The following AVL9 variants were observed in gnomAD, a reference collection of about 807,000 sequenced individuals.
AVL9 encodes the protein late secretory pathway protein AVL9 homolog.
A neutral mutation model predicts 79.2 loss-of-function variants in AVL9; 49 were observed. The observed-to-expected ratio is 0.62, with a 90% confidence interval of 0.49 to 0.79. The LOEUF (loss-of-function observed/expected upper bound fraction) is 0.79. Among genes scored for constraint, AVL9 ranks in the 30% least tolerant of loss-of-function variants. The pLI, the probability that AVL9 is intolerant of heterozygous loss-of-function variation, is 0.00. For synonymous variants in AVL9, 299 were observed against 280.6 expected (o/e 1.07, Z -0.65); for missense variants, 682 against 776.8 (o/e 0.88, Z 1.45).
chr7:32,559,521 G>GT, intron 10 of AVL9, 57 bp downstream of exon 10: 1 of 1,494,766 alleles, frequency 6.7e-7, no homozygotes, highest in South Asian at 1.4e-5. Context: ...TCCTTTCGGA[G>GT]TTTAACTTTT....
rs371389186 is a variant in AVL9, at chr7:32,579,402, A to G, written c.1689-817A>G. Among the ~76,000 whole-genome samples, 49 of 14,904 alleles carry G rather than the reference A, an allele frequency of 3.3e-3. 2 individuals carry two copies. The highest frequency in any genetic ancestry group is 0.028 in the East Asian group (14 of 506). 9.8% of individuals were successfully genotyped at this position (14,904 alleles called of 152,430 possible). Reference sequence around the variant, plus strand: ...TTATATAACATATTATATGTTATATATTATATATAATATGTTATATATATA... The same window carrying G: ...TTATATAACATATTATATGTTATATGTTATATATAATATGTTATATATATA... On this transcript the variant is annotated intron_variant, in intron 13 of 15. Coordinates refer to ENST00000318709, the MANE Select transcript of AVL9 (RefSeq NM_015060.3).
chr7:32,577,333 G>C (rs1583603688), intron 13 of AVL9, among the ~76,000 whole-genome samples: 1 of 152,188 alleles, frequency 6.6e-6, no homozygotes, highest in East Asian at 1.9e-4. Flanking sequence ...ACCAATTTTG[G>C]TGAATTTAAT....
chr7:32,522,634 G>C (rs1266511961), intron 1 of AVL9, among the ~76,000 whole-genome samples: 1 of 152,138 alleles, frequency 6.6e-6, no homozygotes, highest in African/African-American at 2.4e-5. Context: ...GGACTTTTAG[G>C]TTAATGCTGA....
chr7:32,496,426 C>T lies in AVL9; in HGVS notation c.93+624C>T, dbSNP rs182856244. Reference sequence around the variant, plus strand: ...TTTTGCCTTTTGGTGAGAGATTAATCTCTCCATATCAACCGCAATAAGAGA... The same window carrying T: ...TTTTGCCTTTTGGTGAGAGATTAATTTCTCCATATCAACCGCAATAAGAGA... On this transcript the variant is annotated intron_variant, in intron 1 of 15. Transcript: ENST00000318709. Among the ~76,000 whole-genome samples the T allele has an allele frequency of 7.7e-4, 117 of 152,304 alleles. 1 individual carries two copies. Among genetic ancestry groups the T allele is most frequent in the African/African-American group, 2.5e-3 (102 of 41,574 alleles).
chr7:32,506,683 G>A (rs1029081879), intron 1 of AVL9, among the ~76,000 whole-genome samples: 12 of 151,970 alleles, frequency 7.9e-5, no homozygotes, highest in Admixed American at 5.9e-4. Context: ...GAGGCCAAAC[G>A]GGAGGATTAC....
In AVL9 at chr7:32,559,210, C is replaced by T. The variant is rs374257041; in HGVS notation, c.961C>T (p.Arg321Cys). The T allele has an allele frequency of 2.7e-5, 43 of 1,614,042 alleles. No homozygotes were observed. The African/African-American group carries it at 4.1e-4, about 16-fold the overall frequency. Residue 321 changes from arginine (R) to cysteine (C), a missense_variant, in exon 10 of 16, where the codon CGC (arginine) becomes TGC (cysteine). Coordinates refer to ENST00000318709, the MANE Select transcript of AVL9 (RefSeq NM_015060.3). ...DTNQYLKPPS[R>C]PSPDSSESDW... The stretch of plus-strand genomic sequence containing the variant: ...CAATCAATATTTGAAACCTCCATCT[C>T]GCCCATCTCCAGATTCTTCAGAAAG...
Position 32,570,165 on chromosome 7 carries a change from G to A in AVL9, c.1350+11G>A, listed in dbSNP as rs771821766. 9.9e-6 allele frequency: 16 copies of A among 1,614,060 alleles called. No individual in the cohort carries two copies. The South Asian group carries it at 1.8e-4, about 18-fold the overall frequency. On this transcript the variant is annotated intron_variant, in intron 11 of 15. Transcript: ENST00000318709. ...GATGCCATTGTGGAAGTACGTTTAT[G>A]TGTGAGTGTGTGTATTTGGCCCTGC...
intron 1 of AVL9, among the ~76,000 whole-genome samples, chr7:32,508,750 C>T (rs1467846981): frequency 2.6e-5 from 4 of 152,230 alleles, no homozygotes; most frequent in African/African-American, 9.6e-5. Flanking sequence ...CCTATCTTCA[C>T]TGTTCTGTTA....
In AVL9 at chr7:32,580,900, G is replaced by A. The variant is rs370949690; in HGVS notation, c.1831+10G>A. On this transcript the variant is annotated intron_variant, in intron 15 of 15. Coordinates refer to ENST00000318709, the MANE Select transcript of AVL9 (RefSeq NM_015060.3). Reference sequence around the variant, plus strand: ...ACAGGAAAAGCTGTTGGTAAGACATGCCTTTAGCCAGGAACAAATTGGAAT... The same window carrying A: ...ACAGGAAAAGCTGTTGGTAAGACATACCTTTAGCCAGGAACAAATTGGAAT... The A allele has an allele frequency of 6.8e-6, 11 of 1,608,298 alleles. No individual in the cohort carries two copies. Among genetic ancestry groups the A allele is most frequent in the Non-Finnish European group, 9.4e-6 (11 of 1,175,802 alleles).
chr7:32,557,832 C>T (rs187426882), intron 8 of AVL9, among the ~76,000 whole-genome samples: 243 of 143,516 alleles, frequency 1.7e-3, no homozygotes, highest in Non-Finnish European at 3.1e-3. Flanking sequence ...GTTAGTACTT[C>T]TATGTTTATT....
chr7:32,568,034 A>G (rs1790660003), intron 10 of AVL9, among the ~76,000 whole-genome samples: 1 of 134,398 alleles, frequency 7.4e-6, no homozygotes, highest in Non-Finnish European at 1.6e-5. Context: ...TTTTAATTTA[A>G]TTTTTCTTTT....
intron 13 of AVL9, among the ~76,000 whole-genome samples, chr7:32,579,607 T>TAA (rs10673103): frequency 0.094 from 2,190 of 23,400 alleles, 975 homozygotes; most frequent in East Asian, 0.19. Flanking sequence ...ATATATTATA[T>TAA]TATATATTAT....
At chr7:32,574,888 C>T (rs1791018286) in intron 12 of AVL9, among the ~76,000 whole-genome samples, 1 of 152,096 alleles carries the variant, frequency 6.6e-6, no homozygotes, top group Non-Finnish European at 1.5e-5. Flanking sequence ...TCATTCATTT[C>T]CTTTCCTAGC....
At position 32,588,520 on chromosome 7, in the gene AVL9, G is replaced by A. The variant is rs76460581; in HGVS notation, c.*4613G>A. On this transcript the variant is annotated 3_prime_UTR_variant, in exon 16 of 16. Transcript: ENST00000318709. ...AAGTTTTCTAAGGAAGTTTAACTGT[G>A]GCACATGTTTTGATCAGAAAGGTAG... is the stretch of plus-strand genomic sequence containing the variant. 1.3e-5 allele frequency: 2 copies of A among 152,244 alleles called. No homozygotes were observed. The highest frequency in any genetic ancestry group is 1.9e-4 in the East Asian group (1 of 5,184). 9.4% of individuals were successfully genotyped at this position (152,244 alleles called of 1,614,324 possible). A position where few individuals can be genotyped will look rare whatever the true frequency, so the allele number is the denominator to read the frequency against.
At chr7:32,583,587 G>A (rs1301280002) in intron 15 of AVL9, among the ~76,000 whole-genome samples, 2 of 152,160 alleles carry the variant, frequency 1.3e-5, no homozygotes, top group African/African-American at 2.4e-5. Flanking sequence ...GCTGAGGTGG[G>A]AGGATCACTT....
At chr7:32,578,235 T>C (rs548637765) in intron 13 of AVL9, among the ~76,000 whole-genome samples, 3 of 152,190 alleles carry the variant, frequency 2.0e-5, no homozygotes, top group South Asian at 2.1e-4. Flanking sequence ...TCAGAGAGAA[T>C]TGATGGTAAA....
At chr7:32,564,076 A>G (rs1181495763) in intron 10 of AVL9, among the ~76,000 whole-genome samples, 1 of 152,152 alleles carries the variant, frequency 6.6e-6, no homozygotes, top group Non-Finnish European at 1.5e-5. Flanking sequence ...TATTGTGAAG[A>G]TATCAAGAGG....
At chr7:32,580,091 A>G in intron 13 of AVL9, 128 bp from the exon 14 acceptor site, 1 of 692,452 alleles carries the variant, frequency 1.4e-6, no homozygotes, top group Non-Finnish European at 2.5e-6. Context: ...AAGTTTCCCG[A>G]TACCAAACAC....
At chr7:32,523,559 A>G (rs549888150) in intron 1 of AVL9, among the ~76,000 whole-genome samples, 2 of 111,856 alleles carry the variant, frequency 1.8e-5, no homozygotes, top group Non-Finnish European at 3.3e-5. Context: ...TCCATCTCCC[A>G]GGCTGGAATG....
Sources: allele counts gnomAD v4.1 joint callset (sites outside exome capture counted in the v4.1 genomes callset), GRCh38; gene constraint gnomAD v4.1.1; transcripts MANE v1.5; gene names NCBI Gene and HGNC (gene_info 2026-07-23, HGNC 2026-07-21).